The following HIP1R variants were observed in gnomAD, a reference collection of about 807,000 sequenced individuals.
HIP1R encodes the protein huntingtin-interacting protein 1-related protein.
In HIP1R, 135 loss-of-function variants were observed where a neutral mutation model predicts 144.2. The observed-to-expected ratio is 0.94, with a 90% CI of 0.81 to 1.08. The LOEUF (loss-of-function observed/expected upper bound fraction) is 1.08, where lower values mean the gene tolerates loss of function less well. Among genes scored for constraint, HIP1R ranks in the 50% least tolerant of loss-of-function variants. HIP1R has a pLI of 0.00. For missense variants in HIP1R, 1,462 were observed against 1,432.8 expected (o/e 1.02, Z -0.33); for synonymous variants, 698 against 612.8 (o/e 1.14, Z -2.05).
intron 18 of HIP1R, chr12:122,857,802 C>T: frequency 2.8e-6 from 1 of 351,612 alleles, no homozygotes; most frequent in Non-Finnish European, 5.1e-6. Flanking sequence ...TTCTCACGGT[C>T]TTGATTTGTG....
intron 1 of HIP1R, among the ~76,000 whole-genome samples, chr12:122,835,883 C>T (rs2032876724): frequency 6.6e-6 from 1 of 150,712 alleles, no homozygotes. Flanking sequence ...CTCCCCGCTC[C>T]CGCCGGGCGC....
In HIP1R at chr12:122,859,419, TC is replaced by T; in HGVS notation, c.2296-6del. The T allele has an allele frequency of 6.2e-7, 1 of 1,611,134 alleles. No individual in the cohort carries two copies. Among genetic ancestry groups the T allele is most frequent in the Non-Finnish European group, 8.5e-7 (1 of 1,177,994 alleles). The stretch of plus-strand genomic sequence containing the variant: ...GGCTACCCCTGTCTGACTCCCATCC[TC>T]ACCAGGAACTGAAACCCAAGAGCCT... On this transcript the variant is annotated splice_polypyrimidine_tract_variant and splice_region_variant and intron_variant, in intron 22 of 31. Coordinates refer to ENST00000253083, the MANE Select transcript of HIP1R (RefSeq NM_003959.3).
intron 1 of HIP1R, 53 bp downstream of exon 1, chr12:122,835,696 C>A (rs1247428059): frequency 1.9e-6 from 2 of 1,054,134 alleles, no homozygotes; most frequent in East Asian, 1.2e-4. Flanking sequence ...GGCGGGCAAG[C>A]GGCGTCCCTG....
rs368096447 is a variant in HIP1R at position 122,848,532 on chromosome 12, C to T, written c.224C>T (p.Pro75Leu). ...FTFWSYAIGL[P>L]LPSSSILSWK... ...TTCTGGTCCTACGCCATTGGGCTGCCGCTGCCCAGCAGCTCCATTCTCAGC... is the reference window on the plus strand; with the variant it reads ...TTCTGGTCCTACGCCATTGGGCTGCTGCTGCCCAGCAGCTCCATTCTCAGC... Residue 75 changes from proline to leucine, a missense_variant, in exon 3 of 32, where the codon CCG (proline) becomes CTG (leucine). This residue lies in a region of HIP1R where 350 missense variants were observed against 421.1 expected (regional missense o/e 0.83). Transcript: ENST00000253083. 43 of 1,613,176 alleles carry T rather than the reference C, an allele frequency of 2.7e-5. No individual in the cohort carries two copies. The highest frequency in any genetic ancestry group is 2.4e-5 in the Non-Finnish European group (28 of 1,179,954).
chr12:122,847,965 C>G, intron 1 of HIP1R, 66 bp from the exon 2 acceptor site: 1 of 1,488,426 alleles, frequency 6.7e-7, no homozygotes, highest in Non-Finnish European at 9.3e-7. Context: ...TGCTTCTCCC[C>G]CTTGGGGTGG....
chr12:122,849,475 G>A (rs2033309229), intron 4 of HIP1R, among the ~76,000 whole-genome samples: 1 of 152,276 alleles, frequency 6.6e-6, no homozygotes. Flanking sequence ...CTTGAAGCGA[G>A]GAAAACACTG....
intron 7 of HIP1R, among the ~76,000 whole-genome samples, chr12:122,852,445 G>A (rs564725431): frequency 1.3e-5 from 2 of 152,260 alleles, no homozygotes; most frequent in Non-Finnish European, 2.9e-5. Flanking sequence ...CACCAGGTAG[G>A]AGCCAGTTAC....
chr12:122,853,891 C>A, intron 7 of HIP1R, 152 bp from the exon 8 acceptor site: 1 of 828,922 alleles, frequency 1.2e-6, no homozygotes, highest in Non-Finnish European at 1.8e-6. Flanking sequence ...TGACCTGGGG[C>A]AGCCACCAGC....
At chr12:122,859,595 C>T (rs2033702671) in intron 23 of HIP1R, 59 bp downstream of exon 23, 6 of 1,458,786 alleles carry the variant, frequency 4.1e-6, no homozygotes, top group Middle Eastern at 1.9e-4. Context: ...GCCGGAGGCC[C>T]CAACTGGGCT....
intron 18 of HIP1R, 80 bp from the exon 19 acceptor site, chr12:122,858,022 C>T: frequency 1.5e-6 from 2 of 1,350,330 alleles, no homozygotes; most frequent in Non-Finnish European, 2.0e-6. Flanking sequence ...AACTGGTGGC[C>T]CATGGGTCAT....
intron 1 of HIP1R, among the ~76,000 whole-genome samples, chr12:122,841,667 C>T (rs2033063837): frequency 1.3e-5 from 2 of 152,154 alleles, no homozygotes; most frequent in Non-Finnish European, 2.9e-5. Context: ...GACTCAGGCT[C>T]CTGGCTTTTG....
rs765429191 is a variant in HIP1R, at chr12:122,859,787, G to A, written c.2422G>A (p.Ala808Thr). The change falls in exon 24 of 32, where the codon GCA (alanine) becomes ACA (threonine). Residue 808 changes from alanine (A) to threonine (T), a missense_variant. Ala to Thr is a moderately conservative substitution (Grantham distance 58). Transcript: ENST00000253083. ...VRRIEDMMNQ[A>T]RHASSGVKLE... ...TTGGGTGCAGGACATGATGAACCAGGCACGCCACGCCAGCTCGGGGGTGAA... is the reference window on the plus strand; with the variant it reads ...TTGGGTGCAGGACATGATGAACCAGACACGCCACGCCAGCTCGGGGGTGAA... 1 of 1,612,808 alleles carries A rather than the reference G, an allele frequency of 6.2e-7. No individual in the cohort carries two copies. The highest frequency in any genetic ancestry group is 8.5e-7 in the Non-Finnish European group (1 of 1,179,792).
chr12:122,839,860 C>T (rs1466342348), intron 1 of HIP1R, among the ~76,000 whole-genome samples: 1 of 152,240 alleles, frequency 6.6e-6, no homozygotes. Context: ...TGATCTCAGT[C>T]TGGACTCACC....
chr12:122,857,661 G>T, intron 18 of HIP1R: 1 of 286,168 alleles, frequency 3.5e-6, no homozygotes, highest in Non-Finnish European at 6.6e-6. Flanking sequence ...CTACCAGACT[G>T]TTTTCCAAAG....
intron 5 of HIP1R, 30 bp downstream of exon 5, chr12:122,849,985 A>G (rs763762868): frequency 1.3e-6 from 2 of 1,511,306 alleles, no homozygotes; most frequent in Admixed American, 3.3e-5. Context: ...CATGGGGCTG[A>G]GGGACCCGTG....
chr12:122,851,665 C>T (rs1457840477), intron 7 of HIP1R, among the ~76,000 whole-genome samples: 2 of 148,422 alleles, frequency 1.3e-5, no homozygotes, highest in Non-Finnish European at 3.0e-5. Flanking sequence ...GCCTGGGCAA[C>T]AGAGTGAGTC....
In HIP1R at chr12:122,858,114, C is replaced by T; in HGVS notation, c.1828C>T (p.Gln610Ter). The change falls in exon 19 of 32, where the codon CAG becomes TAG. Residue 610 changes from glutamine (Q) to a stop codon, truncating the protein, a stop_gained. Coordinates refer to ENST00000253083, the MANE Select transcript of HIP1R (RefSeq NM_003959.3). LOFTEE classifies it high-confidence loss of function. ...CCCCCATTGCCAGGAGTCTCAGGAG[C>T]AGGGGCTGCGGCAGAGGCTGCTGGA... ...GRLAERESQE[Q>*]GLRQRLLDEQ... 6.3e-7 allele frequency: 1 copy of T among 1,587,434 alleles called. No homozygotes were observed. Among genetic ancestry groups the T allele is most frequent in the Non-Finnish European group, 8.6e-7 (1 of 1,169,066 alleles).
intron 24 of HIP1R, 91 bp downstream of exon 24, chr12:122,859,921 A>G (rs2033715420): frequency 1.5e-5 from 22 of 1,481,362 alleles, no homozygotes; most frequent in Non-Finnish European, 1.9e-5. Context: ...CTCACGGGAA[A>G]GGAAGGCCTG....
At chr12:122,856,946 T>G in intron 17 of HIP1R, 75 bp from the exon 18 acceptor site, 2 of 1,419,420 alleles carry the variant, frequency 1.4e-6, no homozygotes, top group Non-Finnish European at 1.9e-6. Context: ...CAGGGCCCAG[T>G]TTATAAGCGT....
Sources: allele counts gnomAD v4.1 joint callset (sites outside exome capture counted in the v4.1 genomes callset), GRCh38; gene constraint gnomAD v4.1.1; regional missense constraint gnomAD v4.1.1; transcripts MANE v1.5; gene names NCBI Gene and HGNC (gene_info 2026-07-23, HGNC 2026-07-21).